TRIP10: variants seen among roughly 807,000 people sequenced by gnomAD.
TRIP10 encodes thyroid hormone receptor interactor 10.
A neutral mutation model predicts 80.9 loss-of-function variants in TRIP10; 54 were observed. The ratio of observed to expected loss-of-function variants is 0.67; its 90% CI spans 0.54 to 0.84. The LOEUF is 0.84. Among genes scored for constraint, TRIP10 ranks in the 40% least tolerant of loss-of-function variants. TRIP10 has a pLI of 0.00. For synonymous variants in TRIP10, 321 were observed against 307.2 expected, an observed-to-expected ratio of 1.04 and a Z score of -0.47; for missense variants, 773 against 815.3, an observed-to-expected ratio of 0.95 and a Z score of 0.63.
intron 11 of TRIP10, among the ~76,000 whole-genome samples, chr19:6,749,684 C>G (rs1194018416): frequency 6.6e-6 from 1 of 152,100 alleles, no homozygotes; most frequent in African/African-American, 2.4e-5. Flanking sequence ...CCCATCTCTA[C>G]TAAAAATTTT....
At chr19:6,747,596 C>A (rs1969174180) in intron 11 of TRIP10, among the ~76,000 whole-genome samples, 1 of 151,866 alleles carries the variant, frequency 6.6e-6, no homozygotes, top group African/African-American at 2.4e-5. Context: ...AGTTCGAGAC[C>A]AGCCTGACCA....
At chr19:6,750,661 G>T in intron 14 of TRIP10, 28 bp downstream of exon 14, 1 of 1,612,168 alleles carries the variant, frequency 6.2e-7, no homozygotes, top group Non-Finnish European at 8.5e-7. Context: ...GGGCTTGGCG[G>T]GGTATGGGAG....
At chr19:6,750,257 T>A in intron 12 of TRIP10, 35 bp from the exon 13 acceptor site, 4 of 1,611,602 alleles carry the variant, frequency 2.5e-6, no homozygotes, top group Non-Finnish European at 3.4e-6. Flanking sequence ...CCCGGAGCTC[T>A]GCCCTGGAAC....
rs765355124 is a variant in TRIP10, at chr19:6,743,705, C to T, written c.514-3C>T. On this transcript the variant is annotated splice_polypyrimidine_tract_variant and splice_region_variant and intron_variant, in intron 6 of 14. Coordinates refer to ENST00000313244, the MANE Select transcript of TRIP10 (RefSeq NM_001288962.2). ...CAGTACCTTCCACCTCTGCATTCTT[C>T]AGGCCAAGCAGCAAGCCCACCTTCG... The T allele has an allele frequency of 6.8e-6, 11 of 1,613,742 alleles. No homozygotes were observed. Among genetic ancestry groups the T allele is most frequent in the South Asian group, 6.6e-5 (6 of 91,044 alleles).
rs1406156461 is a variant in TRIP10, at chr19:6,751,266, G to A, written c.*55G>A. Reference sequence around the variant, plus strand: ...GTCGGCTGCTGCTTCTGGGCCACGGGGAGCCCCAGGACCTATGCACTTTAT... The same window carrying A: ...GTCGGCTGCTGCTTCTGGGCCACGGAGAGCCCCAGGACCTATGCACTTTAT... On this transcript the variant is annotated 3_prime_UTR_variant, in exon 15 of 15. Transcript: ENST00000313244. The A allele has an allele frequency of 1.2e-6, 2 of 1,612,382 alleles. No individual in the cohort carries two copies. Among genetic ancestry groups the A allele is most frequent in the African/African-American group, 1.3e-5 (1 of 74,876 alleles).
At chr19:6,750,799 C>T (rs1377462836) in intron 14 of TRIP10, among the ~76,000 whole-genome samples, 166 bp downstream of exon 14, 1 of 152,114 alleles carries the variant, frequency 6.6e-6, no homozygotes, top group African/African-American at 2.4e-5. Flanking sequence ...AATTCCATAC[C>T]AGCCTGGCGA....
At position 6,751,303 on chromosome 19, in the gene TRIP10, TG is replaced by T; in HGVS notation, c.*94del. The T allele has an allele frequency of 6.3e-7, 1 of 1,590,216 alleles. No individual in the cohort carries two copies. The highest frequency in any genetic ancestry group is 8.6e-7 in the Non-Finnish European group (1 of 1,165,874). ...CCTATGCACTTTATTTCTGACCCCG[TG>T]GCTTCGGCTGAGACCTGTGTAACCT... On this transcript the variant is annotated 3_prime_UTR_variant, in exon 15 of 15. Coordinates refer to ENST00000313244, the MANE Select transcript of TRIP10 (RefSeq NM_001288962.2).
chr19:6,746,012 C>A lies in TRIP10; in HGVS notation c.985-17C>A. 1 of 1,017,986 alleles carries A rather than the reference C, an allele frequency of 9.8e-7. No homozygotes were observed. The allele number at this position is 1,017,986 out of a possible 1,614,324, so 63.1% of individuals were successfully genotyped here. ...CCACCCCTTCAACCTATCCCCCTCC[C>A]CGGCCCCCGCCGGTAGCCTCGCCCC... On this transcript the variant is annotated splice_polypyrimidine_tract_variant and intron_variant, in intron 9 of 14. Coordinates refer to ENST00000313244, the MANE Select transcript of TRIP10 (RefSeq NM_001288962.2). This position sits in a 1 kb window ranked among gnomAD's most constrained non-coding sequence, Gnocchi z 6.2.
In TRIP10 at chr19:6,739,730, G is replaced by A. The variant is rs1365981436; in HGVS notation, c.-32G>A. The A allele has an allele frequency of 2.2e-6, 3 of 1,360,822 alleles. No homozygotes were observed. The highest frequency in any genetic ancestry group is 1.9e-6 in the Non-Finnish European group (2 of 1,049,394). 84.3% of individuals were successfully genotyped at this position (1,360,822 alleles called of 1,614,324 possible). On this transcript the variant is annotated 5_prime_UTR_variant, in exon 1 of 15. In the 5' UTR this introduces an upstream ATG that the reference lacks. Transcript: ENST00000313244. ...CGGCGGGCGGCGGGGACCGGGTGCG[G>A]TGGTGGCTGCGGCGGCGGCGGCGGG... is the stretch of plus-strand genomic sequence containing the variant.
chr19:6,745,216 G>T lies in TRIP10; in HGVS notation c.984+222G>T. The T allele has an allele frequency of 1.6e-6, 1 of 609,062 alleles. No homozygotes were observed. Among genetic ancestry groups the T allele is most frequent in the South Asian group, 2.3e-5 (1 of 43,954 alleles). The allele number at this position is 609,062 out of a possible 1,614,324, so 37.7% of individuals were successfully genotyped here. On this transcript the variant is annotated intron_variant, in intron 9 of 14. Transcript: ENST00000313244. The surrounding 1 kb of genome is among the most constrained non-coding windows in gnomAD (Gnocchi z 7.2). Reference sequence around the variant, plus strand: ...GTGGGGAGGTGGGGAGGTCCGTGGCGTTTGTCTGCTGCTTCTCGGGATGCT... The same window carrying T: ...GTGGGGAGGTGGGGAGGTCCGTGGCTTTTGTCTGCTGCTTCTCGGGATGCT...
intron 5 of TRIP10, 68 bp downstream of exon 5, chr19:6,743,324 A>T: frequency 6.3e-7 from 1 of 1,591,840 alleles, no homozygotes; most frequent in South Asian, 1.1e-5. Context: ...ATCCGGAGTC[A>T]GGGAGCTGCC....
Position 6,741,100 on chromosome 19 carries a change from G to T in TRIP10, c.115G>T (p.Glu39Ter). The change falls in exon 2 of 15, where the codon GAA becomes TAA. Residue 39 changes from glutamate to a stop codon, truncating the protein, a stop_gained. Transcript: ENST00000313244. LOFTEE classifies it high-confidence loss of function. ...GTTCGTGAAAGAACGCACCGAAGTG[G>T]AACAGGCTTACGCCAAACAACTGCG... is the stretch of plus-strand genomic sequence containing the variant. ...VKFVKERTEV[E>*]QAYAKQLRSL... 1 of 1,614,228 alleles carries T rather than the reference G, an allele frequency of 6.2e-7. No homozygotes were observed. The highest frequency in any genetic ancestry group is 8.5e-7 in the Non-Finnish European group (1 of 1,180,038).
intron 11 of TRIP10, chr19:6,748,802 T>TA (rs1349137178): frequency 2.0e-5 from 3 of 152,008 alleles, no homozygotes; most frequent in Admixed American, 6.6e-5. Flanking sequence ...CAAAAAAAGA[T>TA]AAAAAATAAC....
chr19:6,741,615 C>T (rs1018512037), intron 3 of TRIP10, among the ~76,000 whole-genome samples: 6 of 152,110 alleles, frequency 3.9e-5, no homozygotes, highest in Non-Finnish European at 5.9e-5. Flanking sequence ...GGAATGATGA[C>T]GATTCCTCCA....
chr19:6,748,382 T>A (rs1969195250), intron 11 of TRIP10: 1 of 152,192 alleles, frequency 6.6e-6, no homozygotes, highest in Admixed American at 6.5e-5. Flanking sequence ...TAAGGGTGCA[T>A]GTTCTAGAGT....
chr19:6,746,380 A>G lies in TRIP10; in HGVS notation c.1153-72A>G, dbSNP rs567473375. The G allele has an allele frequency of 1.2e-4, 193 of 1,583,106 alleles. 2 individuals carry two copies. The African/African-American group carries it at 2.1e-3, about 17-fold the overall frequency. On this transcript the variant is annotated intron_variant, in intron 10 of 14. Coordinates refer to ENST00000313244, the MANE Select transcript of TRIP10 (RefSeq NM_001288962.2). This position sits in a 1 kb window ranked among gnomAD's most constrained non-coding sequence, Gnocchi z 6.2. ...CCATGGCTGGGGAAGGGAGTGAAAT[A>G]TCTCAGACGGGTGCAGAGTCTGGCA...
At position 6,751,047 on chromosome 19, in the gene TRIP10, C is replaced by T. The variant is rs1969288072; in HGVS notation, c.1658-16C>T. ...TGCCTAAAGCAGATCTGGGCCCACC[C>T]CCACCCCCATCACAGGGTCCAGCGA... is the stretch of plus-strand genomic sequence containing the variant. On this transcript the variant is annotated splice_polypyrimidine_tract_variant and intron_variant, in intron 14 of 14. Coordinates refer to ENST00000313244, the MANE Select transcript of TRIP10 (RefSeq NM_001288962.2). 1 of 1,522,430 alleles carries T rather than the reference C, an allele frequency of 6.6e-7. No individual in the cohort carries two copies. Among genetic ancestry groups the T allele is most frequent in the Admixed American group, 2.2e-5 (1 of 45,550 alleles). The allele number at this position is 1,522,430 out of a possible 1,614,324, so 94.3% of individuals were successfully genotyped here.
chr19:6,742,086 T>C (rs1405704283), intron 3 of TRIP10, among the ~76,000 whole-genome samples: 1 of 63,362 alleles, frequency 1.6e-5, no homozygotes, highest in African/African-American at 8.0e-5. Context: ...ACACCTCTCA[T>C]TGTAAAATTA....
chr19:6,743,616 G>C lies in TRIP10; in HGVS notation c.513+18G>C, dbSNP rs777437324. 190 of 865,594 alleles carry C rather than the reference G, an allele frequency of 2.2e-4. No individual in the cohort carries two copies. In the African/African-American group the frequency reaches 4.9e-3, roughly 22 times the overall value. The allele number at this position is 865,594 out of a possible 1,614,324, so 53.6% of individuals were successfully genotyped here. A position where few individuals can be genotyped will look rare whatever the true frequency, so the allele number is the denominator to read the frequency against. On this transcript the variant is annotated intron_variant, in intron 6 of 14. Coordinates refer to ENST00000313244, the MANE Select transcript of TRIP10 (RefSeq NM_001288962.2). ...TGGAGAAGGTGTGTGTGGCGGGGGC[G>C]GGGGGGGGGTGCGGGGTCTGGGACA...
Sources: gnomAD v4.1 joint callset for allele counts (sites outside exome capture counted in the v4.1 genomes callset) on GRCh38, gnomAD v4.1.1 for gene constraint, Gnocchi (gnomAD v3.1) non-coding constraint, MANE v1.5 for transcripts, NCBI Gene and HGNC (gene_info 2026-07-23, HGNC 2026-07-21) for gene names.